Variants in RAB3C observed in about 807,000 individuals in gnomAD.
RAB3C encodes the protein ras-related protein Rab-3C.
RAB3C carries 17 observed loss-of-function variants against 26.4 expected under a neutral mutation model. That is an observed-to-expected ratio of 0.64 (90% CI 0.44 to 0.97). The LOEUF (loss-of-function observed/expected upper bound fraction) is 0.97, where lower values mean the gene tolerates loss of function less well. Among genes scored for constraint, RAB3C ranks in the 50% least tolerant of loss-of-function variants. RAB3C has a pLI of 0.00. For missense variants in RAB3C, 242 were observed against 281.9 expected, an observed-to-expected ratio of 0.86 and a Z score of 1.01; for synonymous variants, 91 against 95.9, an observed-to-expected ratio of 0.95 and a Z score of 0.30.
chr5:58,603,427 G>T (rs1579811222), intron 1 of RAB3C, among the ~76,000 whole-genome samples: 1 of 151,998 alleles, frequency 6.6e-6, no homozygotes, highest in Non-Finnish European at 1.5e-5. Flanking sequence ...TTTTAGAATT[G>T]TCTTCTTCAG....
Position 58,736,766 on chromosome 5 carries a change from G to A in RAB3C, c.371+10646G>A, listed in dbSNP as rs549200492. On this transcript the variant is annotated intron_variant, in intron 3 of 4. Transcript: ENST00000282878. ...ATTTCCAAATAAGGTCACGTTCACC[G>A]GTCCTGGGGTTATAACGTCAACATC... Among the ~76,000 whole-genome samples, 18 of 152,144 alleles carry A rather than the reference G, an allele frequency of 1.2e-4. 1 individual carries two copies. The highest frequency in any genetic ancestry group is 3.9e-4 in the Admixed American group (6 of 15,288).
chr5:58,678,044 G>A (rs1440503304), intron 2 of RAB3C, among the ~76,000 whole-genome samples: 1 of 151,066 alleles, frequency 6.6e-6, no homozygotes, highest in Non-Finnish European at 1.5e-5. Flanking sequence ...TGTTGGGGAA[G>A]TGGGCAAGGA....
intron 3 of RAB3C, among the ~76,000 whole-genome samples, chr5:58,810,413 G>A (rs931791592): frequency 6.7e-6 from 1 of 150,244 alleles, no homozygotes; most frequent in Non-Finnish European, 1.5e-5. Context: ...GTGTGTGTGT[G>A]TGTTTTCTTA....
chr5:58,735,230 G>A (rs1371051272), intron 3 of RAB3C, among the ~76,000 whole-genome samples: 2 of 152,142 alleles, frequency 1.3e-5, no homozygotes, highest in African/African-American at 2.4e-5. Flanking sequence ...ACTGTGAAAG[G>A]GCACTTGTTT....
At chr5:58,626,376 A>G (rs1747052170) in intron 2 of RAB3C, among the ~76,000 whole-genome samples, 1 of 152,162 alleles carries the variant, frequency 6.6e-6, no homozygotes, top group African/African-American at 2.4e-5. Flanking sequence ...ACTGTTTTGT[A>G]ATCTTCATAA....
intron 3 of RAB3C, among the ~76,000 whole-genome samples, chr5:58,780,398 T>C (rs1208848998): frequency 6.6e-6 from 1 of 152,168 alleles, no homozygotes; most frequent in Non-Finnish European, 1.5e-5. Flanking sequence ...CGGGGCTTAA[T>C]AGTTTATGTA....
intron 2 of RAB3C, among the ~76,000 whole-genome samples, chr5:58,630,042 C>T (rs906364329): frequency 3.9e-5 from 6 of 152,076 alleles, no homozygotes; most frequent in Non-Finnish European, 7.4e-5. Context: ...TCTATTTGTA[C>T]GTTGAGTCTC....
chr5:58,582,280 C>A, upstream of RAB3C: 1 of 378,722 alleles, frequency 2.6e-6, no homozygotes, highest in Non-Finnish European at 3.6e-6. Context: ...CTCCGCCAGA[C>A]GCCACCCCTA....
intron 3 of RAB3C, among the ~76,000 whole-genome samples, chr5:58,813,592 T>TTATA (rs869039335): frequency 0.036 from 1,671 of 46,486 alleles, 26 homozygotes; most frequent in East Asian, 0.059. Context: ...ATATTTATAT[T>TTATA]TATATATATA....
At chr5:58,645,665 A>G (rs1279398075) in intron 2 of RAB3C, among the ~76,000 whole-genome samples, 1 of 152,238 alleles carries the variant, frequency 6.6e-6, no homozygotes, top group Non-Finnish European at 1.5e-5. Context: ...GACTGGAAGT[A>G]ACTAAGCAGT....
chr5:58,840,849 G>T (rs1561148960), intron 4 of RAB3C, among the ~76,000 whole-genome samples: 1 of 152,188 alleles, frequency 6.6e-6, no homozygotes, highest in Non-Finnish European at 1.5e-5. Flanking sequence ...CACACAGTGT[G>T]CTAGCTAACT....
chr5:58,828,696 A>G (rs1743542449), intron 4 of RAB3C, among the ~76,000 whole-genome samples: 1 of 152,176 alleles, frequency 6.6e-6, no homozygotes, highest in South Asian at 2.1e-4. Context: ...TCAAACGCAC[A>G]TTCATCAACC....
At chr5:58,608,379 A>G (rs1312865279) in intron 1 of RAB3C, among the ~76,000 whole-genome samples, 4 of 152,352 alleles carry the variant, frequency 2.6e-5, no homozygotes, top group Non-Finnish European at 5.9e-5. Context: ...TGGGCAAAGG[A>G]TATGAACAGA....
At chr5:58,799,301 C>G (rs934407677) in intron 3 of RAB3C, among the ~76,000 whole-genome samples, 1 of 151,694 alleles carries the variant, frequency 6.6e-6, no homozygotes, top group Non-Finnish European at 1.5e-5. Context: ...AGCTGAGGAA[C>G]TGAAGTGAAA....
At chr5:58,773,888 C>T (rs985964670) in intron 3 of RAB3C, among the ~76,000 whole-genome samples, 2 of 152,202 alleles carry the variant, frequency 1.3e-5, no homozygotes, top group South Asian at 2.1e-4. Context: ...TGGAGAAAAT[C>T]GGATACCTCT....
intron 1 of RAB3C, among the ~76,000 whole-genome samples, chr5:58,605,944 A>G (rs542096103): frequency 6.6e-6 from 1 of 152,166 alleles, no homozygotes; most frequent in South Asian, 2.1e-4. Flanking sequence ...AAGATGGCCA[A>G]ATAGGAACAG....
rs186102586 is a variant in RAB3C, at chr5:58,617,544, T to C, written c.25-99T>C. On this transcript the variant is annotated intron_variant, in intron 1 of 4. Coordinates refer to ENST00000282878, the MANE Select transcript of RAB3C (RefSeq NM_138453.4). ...CGCCTCCTGAGTGTCTGACATCTGTTTCTGGCAAGGCCAATAATGAGTATG... is the reference window on the plus strand; with the variant it reads ...CGCCTCCTGAGTGTCTGACATCTGTCTCTGGCAAGGCCAATAATGAGTATG... 3.2e-3 allele frequency: 3,087 copies of C among 977,284 alleles called. 15 individuals are homozygous for C. Among genetic ancestry groups the C allele is most frequent in the Middle Eastern group, 8.1e-3 (39 of 4,832 alleles). 60.5% of individuals were successfully genotyped at this position (977,284 alleles called of 1,614,324 possible). A position where few individuals can be genotyped will look rare whatever the true frequency, so the allele number is the denominator to read the frequency against.
At chr5:58,657,200 T>G (rs1412608183) in intron 2 of RAB3C, among the ~76,000 whole-genome samples, 1 of 151,832 alleles carries the variant, frequency 6.6e-6, no homozygotes, top group African/African-American at 2.4e-5. Context: ...CACAAAGGCA[T>G]AAGACTGATA....
In RAB3C at chr5:58,830,086, C is replaced by A. The variant is rs758341700; in HGVS notation, c.496+4924C>A. Among the ~76,000 whole-genome samples the A allele has an allele frequency of 8.5e-4, 130 of 152,266 alleles. 4 individuals carry two copies. The highest frequency in any genetic ancestry group is 6.8e-3 in the Middle Eastern group (2 of 294). On this transcript the variant is annotated intron_variant, in intron 4 of 4. Transcript: ENST00000282878. Reference sequence around the variant, plus strand: ...AAGTTCTATGAATGGGTAGTTACTTCTCTTTTTGGAAAATGAAGAATGACA... The same window carrying A: ...AAGTTCTATGAATGGGTAGTTACTTATCTTTTTGGAAAATGAAGAATGACA...
Sources: allele counts gnomAD v4.1 joint callset (sites outside exome capture counted in the v4.1 genomes callset), GRCh38; gene constraint gnomAD v4.1.1; transcripts MANE v1.5; gene names NCBI Gene and HGNC (gene_info 2026-07-23, HGNC 2026-07-21).